SLC30A9: variants seen among roughly 807,000 people sequenced by gnomAD.
SLC30A9 encodes proton-coupled zinc antiporter SLC30A9, mitochondrial.
Under a neutral mutation model 87.5 loss-of-function variants are expected in SLC30A9, and 58 were observed. The ratio of observed to expected loss-of-function variants is 0.66; its 90% confidence interval spans 0.54 to 0.82. SLC30A9 has a LOEUF of 0.82. SLC30A9 is among the 40% of genes least tolerant of loss of function. The pLI, the probability that SLC30A9 is intolerant of heterozygous loss-of-function variation, is 0.00. For missense variants in SLC30A9, 557 were observed against 679.1 expected (o/e 0.82, Z 2.00); for synonymous variants, 234 against 233.0 (o/e 1.00, Z -0.04).
At chr4:42,073,322 T>C (rs953425585) in intron 15 of SLC30A9, among the ~76,000 whole-genome samples, 4 of 152,188 alleles carry the variant, frequency 2.6e-5, no homozygotes, top group Non-Finnish European at 4.4e-5. Context: ...TAATAAGTAA[T>C]GTCTAAAAAA....
chr4:42,063,205 TA>T, intron 11 of SLC30A9, 84 bp downstream of exon 11: 1 of 1,246,266 alleles, frequency 8.0e-7, no homozygotes, highest in Non-Finnish European at 1.1e-6. Flanking sequence ...ATATTGGTGT[TA>T]AAGGAGAATG....
rs1716027513 is a variant in SLC30A9 at position 42,022,794 on chromosome 4, A to G, written c.435-44A>G. 3.5e-6 allele frequency: 4 copies of G among 1,137,808 alleles called. No homozygotes were observed. In the African/African-American group the frequency reaches 4.6e-5, roughly 13 times the overall value. 70.5% of individuals were successfully genotyped at this position (1,137,808 alleles called of 1,614,324 possible). ...GTAATCCTCTTTAAGTATATAAACT[A>G]TATGCACTTTGTCTGAATAAATTCA... On this transcript the variant is annotated intron_variant, in intron 4 of 17. Coordinates refer to ENST00000264451, the MANE Select transcript of SLC30A9 (RefSeq NM_006345.4).
At chr4:42,050,020 A>G (rs549420018) in intron 9 of SLC30A9, among the ~76,000 whole-genome samples, 2 of 152,134 alleles carry the variant, frequency 1.3e-5, no homozygotes, top group Non-Finnish European at 2.9e-5. Flanking sequence ...TGGTATATTA[A>G]GAGGATACCT....
intron 2 of SLC30A9, among the ~76,000 whole-genome samples, chr4:42,002,718 A>G (rs1715041106): frequency 6.6e-6 from 1 of 152,100 alleles, no homozygotes; most frequent in South Asian, 2.1e-4. Flanking sequence ...GCTATTGTGA[A>G]TAGTGCTGCA....
chr4:42,030,895 G>C (rs1447162057), intron 6 of SLC30A9, among the ~76,000 whole-genome samples: 8 of 152,090 alleles, frequency 5.3e-5, no homozygotes, highest in African/African-American at 1.9e-4. Flanking sequence ...CTAGTGACAG[G>C]CCTAATAAAT....
intron 1 of SLC30A9, among the ~76,000 whole-genome samples, chr4:41,997,061 T>TAAATAAATAAATAAAA (rs1317980186): frequency 7.4e-4 from 109 of 146,684 alleles, no homozygotes; most frequent in Non-Finnish European, 1.3e-3. Context: ...AATAAATAAA[T>TAAATAAATAAATAAAA]AAAAATGAAA....
intron 9 of SLC30A9, among the ~76,000 whole-genome samples, chr4:42,054,999 G>C (rs1387952585): frequency 1.3e-5 from 2 of 152,112 alleles, no homozygotes; most frequent in Non-Finnish European, 2.9e-5. Flanking sequence ...AATTGTTAAA[G>C]CTTAATGATG....
intron 1 of SLC30A9, among the ~76,000 whole-genome samples, chr4:41,993,584 G>A (rs1041071597): frequency 6.6e-6 from 1 of 152,108 alleles, no homozygotes. Flanking sequence ...CATTTTGGCC[G>A]AATTTTTCAT....
intron 7 of SLC30A9, among the ~76,000 whole-genome samples, chr4:42,036,687 C>G (rs1716687055): frequency 1.3e-5 from 2 of 152,232 alleles, no homozygotes; most frequent in Non-Finnish European, 2.9e-5. Context: ...TTAGCCAAAT[C>G]TTATTTGATA....
chr4:42,082,166 G>A (rs1288128412), intron 17 of SLC30A9, among the ~76,000 whole-genome samples: 2 of 151,294 alleles, frequency 1.3e-5, no homozygotes, highest in Admixed American at 6.6e-5. Context: ...GCAGTGAGCC[G>A]AGTTCGAGCC....
intron 1 of SLC30A9, among the ~76,000 whole-genome samples, chr4:41,995,176 C>T: frequency 6.6e-6 from 1 of 152,148 alleles, no homozygotes; most frequent in East Asian, 1.9e-4. Context: ...GGGAGAATTG[C>T]TTGAACCCAG....
At position 42,054,248 on chromosome 4, in the gene SLC30A9, C is replaced by T. The variant is rs1247857415; in HGVS notation, c.840+4769C>T. Among the ~76,000 whole-genome samples the T allele has an allele frequency of 2.0e-5, 3 of 152,078 alleles. No homozygotes were observed. The East Asian group carries it at 5.8e-4, about 29-fold the overall frequency. On this transcript the variant is annotated intron_variant, in intron 9 of 17. Transcript: ENST00000264451. ...TGGTACATGCCTGTAATCCCAGCTA[C>T]TCAGGAGATGGAGACAGGAGAATCA... is the stretch of plus-strand genomic sequence containing the variant.
intron 6 of SLC30A9, among the ~76,000 whole-genome samples, chr4:42,035,055 A>G (rs546142094): frequency 6.6e-6 from 1 of 152,204 alleles, no homozygotes; most frequent in East Asian, 1.9e-4. Flanking sequence ...ATCTTTCCAT[A>G]TGCTTGTTGG....
intron 3 of SLC30A9, 119 bp downstream of exon 3, chr4:42,018,289 T>G: frequency 1.3e-6 from 1 of 757,706 alleles, no homozygotes; most frequent in African/African-American, 1.8e-5. Context: ...TATTTTTTAC[T>G]TTTATTTAAA....
At chr4:42,061,870 AG>A (rs1234447695) in intron 10 of SLC30A9, among the ~76,000 whole-genome samples, 1 of 151,432 alleles carries the variant, frequency 6.6e-6, no homozygotes, top group Non-Finnish European at 1.5e-5. Context: ...ATTGCACTCC[AG>A]CCTGTTCAAC....
rs1360600305 is a variant in SLC30A9, at chr4:42,087,599, T to C, written c.*1473T>C. ...ACTTTACGTTGGTGTATTTTTCTTT[T>C]TTTTTTTTTTACTATTACAGAGTAT... is the stretch of plus-strand genomic sequence containing the variant. On this transcript the variant is annotated 3_prime_UTR_variant, in exon 18 of 18. Coordinates refer to ENST00000264451, the MANE Select transcript of SLC30A9 (RefSeq NM_006345.4). 1.3e-5 allele frequency: 2 copies of C among 151,068 alleles called. No homozygotes were observed. The highest frequency in any genetic ancestry group is 4.8e-5 in the African/African-American group (2 of 41,320). The allele number at this position is 151,068 out of a possible 1,614,324, so 9.4% of individuals were successfully genotyped here.
chr4:41,997,086 TAAGC>T (rs1488294087), intron 1 of SLC30A9, among the ~76,000 whole-genome samples: 2 of 134,482 alleles, frequency 1.5e-5, no homozygotes, highest in Non-Finnish European at 3.3e-5. Context: ...AAAATAGAAT[TAAGC>T]AAGGCAGTAG....
chr4:41,990,832 C>G (rs1714401757), intron 1 of SLC30A9, 72 bp downstream of exon 1: 1 of 1,125,406 alleles, frequency 8.9e-7, no homozygotes, highest in East Asian at 2.5e-5. Context: ...CGGCGCCTCG[C>G]CTGGGGCAAT....
In SLC30A9 at chr4:42,062,997, C is replaced by T; in HGVS notation, c.908C>T (p.Ser303Leu). The part of the protein sequence containing the change: ...TPDPSHPYGF[S>L]NMRYISSLIS... The stretch of plus-strand genomic sequence containing the variant: ...TTTCTATTTTTCAGGTACGGATTTT[C>T]AAATATGCGCTATATTTCTTCGCTA... Residue 303 changes from serine (S) to leucine (L), a missense_variant, in exon 11 of 18, where the codon TCA becomes TTA. Ser to Leu is a moderately radical substitution (Grantham distance 145). Transcript: ENST00000264451. 6.2e-7 allele frequency: 1 copy of T among 1,611,936 alleles called. No individual in the cohort carries two copies. Among genetic ancestry groups the T allele is most frequent in the Non-Finnish European group, 8.5e-7 (1 of 1,178,920 alleles).
Sources: allele counts gnomAD v4.1 joint callset (sites outside exome capture counted in the v4.1 genomes callset), GRCh38; gene constraint gnomAD v4.1.1; transcripts MANE v1.5; gene names NCBI Gene and HGNC (gene_info 2026-07-23, HGNC 2026-07-21).